Variants in TOP1MT observed in about 807,000 individuals in gnomAD.
The protein encoded by TOP1MT is DNA topoisomerase I, mitochondrial.
Under a neutral mutation model 73.9 loss-of-function variants are expected in TOP1MT, and 80 were observed. That is an observed-to-expected ratio of 1.08 (90% CI 0.90 to 1.30). The LOEUF (loss-of-function observed/expected upper bound fraction) is 1.30. Among genes scored for constraint, TOP1MT ranks in the 50% most tolerant of loss-of-function variants. The probability of loss-of-function intolerance (pLI) is 0.00; values close to 1 mark genes in which losing one functional copy is unlikely to be tolerated. For synonymous variants in TOP1MT, 338 were observed against 326.4 expected (o/e 1.04, Z -0.38); for missense variants, 815 against 808.0 (o/e 1.01, Z -0.10).
At chr8:143,347,249 G>A (rs1315663662), upstream of TOP1MT, among the ~76,000 whole-genome samples, 1 of 152,128 alleles carries the variant, frequency 6.6e-6, no homozygotes, top group African/African-American at 2.4e-5. Context: ...CTGCCTCCTG[G>A]GTTCACGCCG....
chr8:143,326,183 G>A (rs1171986103), intron 4 of TOP1MT, 39 bp downstream of exon 4: 5 of 1,608,252 alleles, frequency 3.1e-6, no homozygotes, highest in South Asian at 1.1e-5. Context: ...TCGTTCCCAG[G>A]GGCCACTTCA....
At chr8:143,322,660 A>G (rs1816503368) in intron 7 of TOP1MT, among the ~76,000 whole-genome samples, 1 of 123,878 alleles carries the variant, frequency 8.1e-6, no homozygotes, top group African/African-American at 3.5e-5. Flanking sequence ...CACACCACAC[A>G]CGCACGCCAC....
chr8:143,351,854 C>T (rs1028520421), intron 1 of TOP1MT, among the ~76,000 whole-genome samples: 2 of 151,936 alleles, frequency 1.3e-5, no homozygotes, highest in Non-Finnish European at 2.9e-5. Context: ...GAGGCCGAGG[C>T]GGGTGGATCA....
chr8:143,331,365 C>G, intron 1 of TOP1MT, 26 bp from the exon 2 acceptor site: 1 of 1,591,720 alleles, frequency 6.3e-7, no homozygotes, highest in Non-Finnish European at 8.6e-7. Flanking sequence ...GGACGTGTCA[C>G]TCTCCTGGGC....
intron 1 of TOP1MT, 137 bp downstream of exon 1, chr8:143,334,603 G>T: frequency 8.0e-7 from 1 of 1,246,570 alleles, no homozygotes; most frequent in Non-Finnish European, 1.1e-6. Context: ...ACCGCGGCAC[G>T]CATGCTCTCC....
intron 12 of TOP1MT, among the ~76,000 whole-genome samples, chr8:143,315,010 T>A (rs544823107): frequency 7.2e-5 from 11 of 152,226 alleles, no homozygotes; most frequent in African/African-American, 2.6e-4. Flanking sequence ...AACGCCAGCG[T>A]CTGGGAAGAT....
chr8:143,316,242 C>A, intron 10 of TOP1MT, 116 bp from the exon 11 acceptor site: 3 of 1,509,590 alleles, frequency 2.0e-6, no homozygotes, highest in Admixed American at 1.7e-5. Flanking sequence ...CACAGGCACC[C>A]ACTGGGATGG....
chr8:143,328,565 T>C (rs1006641012), intron 3 of TOP1MT, among the ~76,000 whole-genome samples: 5 of 152,334 alleles, frequency 3.3e-5, no homozygotes, highest in African/African-American at 1.2e-4. Flanking sequence ...CTGGTGTTGC[T>C]AGTAAGCTGG....
chr8:143,318,900 T>C (rs1045056454), intron 8 of TOP1MT, among the ~76,000 whole-genome samples: 1 of 152,250 alleles, frequency 6.6e-6, no homozygotes, highest in African/African-American at 2.4e-5. Context: ...TTCACACCGC[T>C]GATCTTGACG....
Position 143,310,103 on chromosome 8 carries a change from C to A in TOP1MT, c.1668G>T (p.Lys556Asn), listed in dbSNP as rs1201802417. Residue 556 changes from lysine to asparagine, a missense_variant, in exon 13 of 14, where the codon AAG (lysine) becomes AAT (asparagine). Around this residue, in one of 3 missense-constraint regions of TOP1MT, gnomAD observed 751 missense variants for 725.4 expected, o/e 1.04. Coordinates refer to ENST00000329245, the MANE Select transcript of TOP1MT (RefSeq NM_052963.3). ...ENKQVALGTS[K>N]LNYLDPRISI... ...TGATCCTGGGGTCCAGGTAGTTGAG[C>A]TTGGACGTGCCCAGGGCCACCTGCT... is the stretch of plus-strand genomic sequence containing the variant. The A allele has an allele frequency of 6.2e-7, 1 of 1,613,538 alleles. No individual in the cohort carries two copies. The highest frequency in any genetic ancestry group is 1.1e-5 in the South Asian group (1 of 91,074).
chr8:143,322,902 CCA>C (rs1479425330), intron 7 of TOP1MT, among the ~76,000 whole-genome samples: 11 of 74,106 alleles, frequency 1.5e-4, no homozygotes, highest in East Asian at 7.9e-4. Flanking sequence ...CACACGCACG[CCA>C]CACACGCACG....
intron 7 of TOP1MT, among the ~76,000 whole-genome samples, chr8:143,322,865 C>T (rs1383071296): frequency 1.8e-5 from 2 of 112,516 alleles, no homozygotes; most frequent in Non-Finnish European, 3.5e-5. Context: ...CACACACGCA[C>T]GCCACACGCA....
chr8:143,310,150 C>T lies in TOP1MT; in HGVS notation c.1621G>A (p.Ala541Thr). 1 of 1,612,154 alleles carries T rather than the reference C, an allele frequency of 6.2e-7. No homozygotes were observed. Reference sequence around the variant, plus strand: ...TGCTTGTTCTCCTCCTTGTCCGTGGCCTGCACACTCAGCTGCGCCAGCTGC... The same window carrying T: ...TGCTTGTTCTCCTCCTTGTCCGTGGTCTGCACACTCAGCTGCGCCAGCTGC... ...QEQLAQLSVQ[A>T]TDKEENKQVA... The change falls in exon 13 of 14, where the codon GCC (alanine) becomes ACC (threonine). Residue 541 changes from alanine (A) to threonine (T), a missense_variant. By Grantham distance (58) the Ala-to-Thr change is moderately conservative (BLOSUM62 0). Around this residue, in one of 3 missense-constraint regions of TOP1MT, gnomAD observed 751 missense variants for 725.4 expected, o/e 1.04. Transcript: ENST00000329245.
At chr8:143,327,662 G>A in intron 3 of TOP1MT, 2 of 345,208 alleles carry the variant, frequency 5.8e-6, no homozygotes, top group Non-Finnish European at 1.2e-5. Flanking sequence ...TCCTAGCTCT[G>A]CTAGTGACTG....
intron 4 of TOP1MT, among the ~76,000 whole-genome samples, chr8:143,325,738 C>T (rs1294960573): frequency 8.5e-5 from 13 of 152,146 alleles, no homozygotes; most frequent in Admixed American, 8.5e-4. Context: ...GCCTAACCAC[C>T]CCATGGCCTG....
chr8:143,347,688 G>GCAGC (rs36222627), upstream of TOP1MT, among the ~76,000 whole-genome samples: 6,498 of 150,034 alleles, frequency 0.043, 404 homozygotes, highest in African/African-American at 0.14. Flanking sequence ...CAGCAGGCAG[G>GCAGC]CAGCCAGCCA....
chr8:143,318,012 G>C lies in TOP1MT; in HGVS notation c.1215+6C>G, dbSNP rs780083227. The C allele has an allele frequency of 2.0e-5, 33 of 1,614,040 alleles. No homozygotes were observed. The highest frequency in any genetic ancestry group is 3.3e-4 in the Middle Eastern group (2 of 6,084). The stretch of plus-strand genomic sequence containing the variant: ...CCCACTGCTGAGGAAACACGAGCCG[G>C]CTTACGGTCAGCCTGTCGAAGAGGT... On this transcript the variant is annotated splice_donor_region_variant and intron_variant, in intron 9 of 13. Transcript: ENST00000329245.
At chr8:143,359,743 T>A (rs1817472763), upstream of TOP1MT, 1 of 148,456 alleles carries the variant, frequency 6.7e-6, no homozygotes, top group South Asian at 2.1e-4. Context: ...CACGGAGGAG[T>A]CGCGGAGAGG....
upstream of TOP1MT, among the ~76,000 whole-genome samples, chr8:143,358,151 G>T (rs552389534): frequency 6.6e-6 from 1 of 152,272 alleles, no homozygotes; most frequent in African/African-American, 2.4e-5. Flanking sequence ...GCTGGAACCT[G>T]GTCTTCGCCC....
Sources: allele counts gnomAD v4.1 joint callset (sites outside exome capture counted in the v4.1 genomes callset), GRCh38; gene constraint gnomAD v4.1.1; regional missense constraint gnomAD v4.1.1; transcripts MANE v1.5; gene names NCBI Gene and HGNC (gene_info 2026-07-23, HGNC 2026-07-21).